The following CNTN3 variants were observed in gnomAD, a reference collection of about 807,000 sequenced individuals.
CNTN3 encodes the protein contactin 3.
CNTN3 carries 60 observed loss-of-function variants against 119.1 expected under a neutral mutation model. The ratio of observed to expected loss-of-function variants is 0.50; its 90% CI spans 0.41 to 0.62. The LOEUF (loss-of-function observed/expected upper bound fraction) is 0.62, where lower values mean the gene tolerates loss of function less well. Ranked by LOEUF, CNTN3 falls within the 20% of genes least tolerant of loss-of-function variation. The probability of loss-of-function intolerance (pLI) is 0.00; values close to 1 mark genes in which losing one functional copy is unlikely to be tolerated. For missense variants in CNTN3, 1,101 were observed against 1,242.4 expected (o/e 0.89, Z 1.71); for synonymous variants, 450 against 438.7 (o/e 1.03, Z -0.32).
chr3:74,576,554 T>C (rs970903215), intron 1 of CNTN3, among the ~76,000 whole-genome samples: 5 of 152,196 alleles, frequency 3.3e-5, no homozygotes, highest in African/African-American at 9.6e-5. Flanking sequence ...ATCATTTATA[T>C]GTAAACTAGA....
intron 5 of CNTN3, among the ~76,000 whole-genome samples, chr3:74,398,027 T>A (rs1705099018): frequency 6.6e-6 from 1 of 152,176 alleles, no homozygotes; most frequent in Non-Finnish European, 1.5e-5. Flanking sequence ...AGAAAGTGGT[T>A]TCTTGAGATG....
At chr3:74,598,932 G>A (rs1704859712) in intron 1 of CNTN3, among the ~76,000 whole-genome samples, 1 of 151,954 alleles carries the variant, frequency 6.6e-6, no homozygotes, top group South Asian at 2.1e-4. Context: ...TCATAACAAA[G>A]AGTTAACATT....
intron 4 of CNTN3, among the ~76,000 whole-genome samples, chr3:74,461,044 G>A (rs187158691): frequency 1.3e-5 from 2 of 151,548 alleles, no homozygotes; most frequent in Non-Finnish European, 3.0e-5. Flanking sequence ...CATGAGAAAT[G>A]TTATCATGTA....
intron 4 of CNTN3, among the ~76,000 whole-genome samples, chr3:74,427,691 A>G (rs1701718552): frequency 6.6e-6 from 1 of 152,146 alleles, no homozygotes; most frequent in South Asian, 2.1e-4. Flanking sequence ...AACATCAGAA[A>G]TTCGAGGGAG....
intron 4 of CNTN3, among the ~76,000 whole-genome samples, chr3:74,462,797 T>C (rs1285123917): frequency 1.3e-5 from 2 of 152,154 alleles, no homozygotes; most frequent in Admixed American, 6.6e-5. Flanking sequence ...TGATTCACCT[T>C]TGATCCCCTT....
At chr3:74,403,986 A>C (rs1705259677) in intron 5 of CNTN3, among the ~76,000 whole-genome samples, 2 of 151,876 alleles carry the variant, frequency 1.3e-5, no homozygotes, top group African/African-American at 4.8e-5. Context: ...CCAAACTCGT[A>C]ATACTTTCAT....
chr3:74,334,657 T>C, intron 13 of CNTN3, 78 bp downstream of exon 13: 1 of 1,278,472 alleles, frequency 7.8e-7, no homozygotes, highest in Middle Eastern at 2.0e-4. Flanking sequence ...GCATTGTCTA[T>C]ATGTCAGACA....
At chr3:74,588,814 T>C (rs1704645920) in intron 1 of CNTN3, among the ~76,000 whole-genome samples, 8 of 152,248 alleles carry the variant, frequency 5.3e-5, no homozygotes. Flanking sequence ...TGTCTACAAC[T>C]ATCTGATCTT....
At chr3:74,499,621 AG>A in intron 3 of CNTN3, 37 bp downstream of exon 3, 1 of 1,573,336 alleles carries the variant, frequency 6.4e-7, no homozygotes, top group Non-Finnish European at 8.6e-7. Context: ...AAGTGTGTTT[AG>A]TTTTTTTTAT....
intron 5 of CNTN3, among the ~76,000 whole-genome samples, chr3:74,401,333 T>G (rs1468363955): frequency 6.6e-6 from 1 of 152,122 alleles, no homozygotes; most frequent in African/African-American, 2.4e-5. Flanking sequence ...CAAAACTAGT[T>G]TTCATAAAAG....
rs1396332872 is a variant in CNTN3 at position 74,590,133 on chromosome 3, A to G, written c.-81+24258T>C. Among the ~76,000 whole-genome samples the G allele has an allele frequency of 2.0e-5, 3 of 151,960 alleles. No individual in the cohort carries two copies. The South Asian group carries it at 6.2e-4, about 32-fold the overall frequency. ...TAATAAAAAAAAGTATAATAATAAT[A>G]AAAAATAAATAAACCAAAAACTCCA... On this transcript the variant is annotated intron_variant, in intron 1 of 22. Transcript: ENST00000263665.
At chr3:74,484,642 C>T (rs1161558153) in intron 4 of CNTN3, among the ~76,000 whole-genome samples, 1 of 152,072 alleles carries the variant, frequency 6.6e-6, no homozygotes, top group Non-Finnish European at 1.5e-5. Context: ...ATGTTTTAAA[C>T]TAGAAAGATG....
In CNTN3 at chr3:74,453,529, C is replaced by G. The variant is rs546054123; in HGVS notation, c.359-28589G>C. Reference sequence around the variant, plus strand: ...TCTCTATTTCCTTCAGTTCTGCTCTCATCTTAGTTATTTCTTGCCTTCTGC... The same window carrying G: ...TCTCTATTTCCTTCAGTTCTGCTCTGATCTTAGTTATTTCTTGCCTTCTGC... On this transcript the variant is annotated intron_variant, in intron 4 of 22. Coordinates refer to ENST00000263665, the MANE Select transcript of CNTN3 (RefSeq NM_020872.3). Among the ~76,000 whole-genome samples, 604 of 151,882 alleles carry G rather than the reference C, an allele frequency of 4.0e-3. 7 individuals are homozygous for G. The highest frequency in any genetic ancestry group is 0.014 in the African/African-American group (572 of 41,440).
intron 20 of CNTN3, among the ~76,000 whole-genome samples, chr3:74,268,742 A>G (rs1701710719): frequency 6.6e-6 from 1 of 152,134 alleles, no homozygotes; most frequent in Non-Finnish European, 1.5e-5. Context: ...CTCAAATAAT[A>G]TGAATGTACA....
chr3:74,487,683 T>C (rs902074551), intron 3 of CNTN3, among the ~76,000 whole-genome samples: 1 of 152,140 alleles, frequency 6.6e-6, no homozygotes, highest in African/African-American at 2.4e-5. Context: ...ATCTAAAAAT[T>C]GTTGCTTTAA....
At chr3:74,512,547 C>A (rs1171761853) in intron 2 of CNTN3, among the ~76,000 whole-genome samples, 1 of 151,694 alleles carries the variant, frequency 6.6e-6, no homozygotes. Context: ...GGAAACTCAA[C>A]AAAATAAGCA....
At chr3:74,276,386 G>A (rs1400144029) in intron 20 of CNTN3, among the ~76,000 whole-genome samples, 2 of 151,998 alleles carry the variant, frequency 1.3e-5, no homozygotes, top group East Asian at 3.9e-4. Flanking sequence ...CCAAATGATA[G>A]GCTATGAAAT....
At chr3:74,370,134 TCAGATTC>T in intron 6 of CNTN3, 143 bp from the exon 7 acceptor site, 1 of 504,488 alleles carries the variant, frequency 2.0e-6, no homozygotes, top group South Asian at 3.5e-5. Context: ...TCTATGCAGC[TCAGATTC>T]CCTTTTAACA....
At chr3:74,338,983 C>G (rs938700282) in intron 11 of CNTN3, among the ~76,000 whole-genome samples, 2 of 152,010 alleles carry the variant, frequency 1.3e-5, no homozygotes, top group Non-Finnish European at 2.9e-5. Flanking sequence ...CATAACTTTA[C>G]TGGAAAAGAT....
Sources: gnomAD v4.1 joint callset for allele counts (sites outside exome capture counted in the v4.1 genomes callset) on GRCh38, gnomAD v4.1.1 for gene constraint, MANE v1.5 for transcripts, NCBI Gene and HGNC (gene_info 2026-07-23, HGNC 2026-07-21) for gene names.